L3MBTL4: variants seen among roughly 807,000 people sequenced by gnomAD.
L3MBTL4 encodes lethal(3)malignant brain tumor-like protein 4.
Under a neutral mutation model 84.5 loss-of-function variants are expected in L3MBTL4, and 70 were observed. The ratio of observed to expected loss-of-function variants is 0.83; its 90% CI spans 0.68 to 1.01. The LOEUF (loss-of-function observed/expected upper bound fraction) is 1.01, where lower values mean the gene tolerates loss of function less well. Ranked by LOEUF, L3MBTL4 falls within the 50% of genes least tolerant of loss-of-function variation. The pLI, the probability that L3MBTL4 is intolerant of heterozygous loss-of-function variation, is 0.00. For missense variants in L3MBTL4, 715 were observed against 754.8 expected, an observed-to-expected ratio of 0.95 and a Z score of 0.62; for synonymous variants, 274 against 259.8, an observed-to-expected ratio of 1.05 and a Z score of -0.52.
intron 1 of L3MBTL4, among the ~76,000 whole-genome samples, chr18:6,392,029 A>G (rs1005231753): frequency 2.0e-5 from 3 of 152,170 alleles, no homozygotes. Flanking sequence ...ACCAAAAAGG[A>G]GCCCAAATAG....
chr18:6,118,690 AGT>A (rs1266650361), intron 14 of L3MBTL4, among the ~76,000 whole-genome samples: 3 of 152,242 alleles, frequency 2.0e-5, no homozygotes, highest in Non-Finnish European at 4.4e-5. Context: ...AAGTTTCTAC[AGT>A]GTTTTTCTCT....
intron 16 of L3MBTL4, chr18:6,031,339 T>C (rs1330863125): frequency 2.0e-6 from 2 of 985,366 alleles, no homozygotes; most frequent in East Asian, 2.3e-4. Flanking sequence ...GCAGAGAAGA[T>C]AAATGCCTTC....
At chr18:6,083,758 C>T (rs943493794) in intron 15 of L3MBTL4, among the ~76,000 whole-genome samples, 2 of 152,116 alleles carry the variant, frequency 1.3e-5, no homozygotes, top group African/African-American at 2.4e-5. Context: ...CTGTTGCTGT[C>T]GCAAGTGTCA....
intron 14 of L3MBTL4, among the ~76,000 whole-genome samples, chr18:6,108,155 A>G (rs551472489): frequency 6.6e-6 from 1 of 152,266 alleles, no homozygotes; most frequent in Non-Finnish European, 1.5e-5. Flanking sequence ...CCTGGTCTCC[A>G]ACTGCAGTCC....
intron 1 of L3MBTL4, among the ~76,000 whole-genome samples, chr18:6,332,015 C>A (rs1357029986): frequency 6.6e-6 from 1 of 151,948 alleles, no homozygotes; most frequent in Non-Finnish European, 1.5e-5. Context: ...AGCTCACAAT[C>A]CAGCAGAAAA....
At chr18:6,236,202 A>G (rs1030731286) in intron 10 of L3MBTL4, among the ~76,000 whole-genome samples, 2 of 152,246 alleles carry the variant, frequency 1.3e-5, no homozygotes, top group African/African-American at 4.8e-5. Context: ...CTACAAAGCT[A>G]CAGTAATCAA....
intron 16 of L3MBTL4, among the ~76,000 whole-genome samples, chr18:6,014,833 C>A (rs980763674): frequency 6.6e-6 from 1 of 152,084 alleles, no homozygotes; most frequent in Non-Finnish European, 1.5e-5. Context: ...AAAAATGTCA[C>A]TTTGGTGGGC....
At chr18:6,357,681 A>G (rs1599763126) in intron 1 of L3MBTL4, among the ~76,000 whole-genome samples, 1 of 152,328 alleles carries the variant, frequency 6.6e-6, no homozygotes, top group African/African-American at 2.4e-5. Flanking sequence ...GACTTTTGAA[A>G]AAAAACAATA....
At chr18:6,367,929 T>C (rs1024932637) in intron 1 of L3MBTL4, among the ~76,000 whole-genome samples, 2 of 152,170 alleles carry the variant, frequency 1.3e-5, no homozygotes, top group Non-Finnish European at 2.9e-5. Context: ...GAAAGTTCTA[T>C]AAGTTACAGT....
At chr18:5,960,373 G>C (rs113320124) in intron 17 of L3MBTL4, among the ~76,000 whole-genome samples, 1 of 152,202 alleles carries the variant, frequency 6.6e-6, no homozygotes, top group Non-Finnish European at 1.5e-5. Flanking sequence ...CCTGCAGAGG[G>C]TTATGGTTAT....
At chr18:6,213,340 CT>C in intron 11 of L3MBTL4, 81 bp from the exon 12 acceptor site, 1 of 722,898 alleles carries the variant, frequency 1.4e-6, no homozygotes, top group Non-Finnish European at 2.3e-6. Context: ...TAAAATACTA[CT>C]GTTTTAGTTT....
At chr18:6,032,385 TACACACACACACACACAC>T (rs111595039) in intron 16 of L3MBTL4, 1 of 339,086 alleles carries the variant, frequency 2.9e-6, no homozygotes, top group Non-Finnish European at 4.1e-6. Context: ...TGAAATATGT[TACACACACACACACACAC>T]ACACACACAC....
chr18:6,186,045 T>G (rs913440144), intron 12 of L3MBTL4, among the ~76,000 whole-genome samples: 3 of 151,506 alleles, frequency 2.0e-5, no homozygotes, highest in Admixed American at 6.6e-5. Context: ...GGAGTTCAGC[T>G]CTTGTTAACC....
At chr18:6,216,890 C>A (rs1188045238) in intron 10 of L3MBTL4, among the ~76,000 whole-genome samples, 19 of 151,902 alleles carry the variant, frequency 1.3e-4, no homozygotes, top group Non-Finnish European at 2.6e-4. Context: ...TATAGAATTC[C>A]TGCTTTTGAG....
chr18:6,079,787 T>C (rs1347569872), intron 16 of L3MBTL4, among the ~76,000 whole-genome samples: 1 of 152,176 alleles, frequency 6.6e-6, no homozygotes, highest in East Asian at 1.9e-4. Context: ...GATGAGAACA[T>C]TTGTATGGAA....
intron 3 of L3MBTL4, among the ~76,000 whole-genome samples, chr18:6,307,756 C>T (rs2050656959): frequency 6.6e-6 from 1 of 152,090 alleles, no homozygotes; most frequent in South Asian, 2.1e-4. Context: ...GTTCATAACT[C>T]ACTATTTAGA....
chr18:6,202,136 T>G lies in L3MBTL4; in HGVS notation c.981+11013A>C, dbSNP rs563172770. 2.3e-4 allele frequency among the ~76,000 whole-genome samples: 35 copies of G among 152,324 alleles called. No individual in the cohort carries two copies. The South Asian group carries it at 7.0e-3, about 31-fold the overall frequency. On this transcript the variant is annotated intron_variant, in intron 12 of 18. Transcript: ENST00000317931. Reference sequence around the variant, plus strand: ...CAATCCAGCTGTTTCTGTACCTCCCTTCCCTTTTCTGCACATCACTTTCCA... The same window carrying G: ...CAATCCAGCTGTTTCTGTACCTCCCGTCCCTTTTCTGCACATCACTTTCCA...
chr18:5,986,124 T>C (rs940362334), intron 16 of L3MBTL4, among the ~76,000 whole-genome samples: 2 of 152,212 alleles, frequency 1.3e-5, no homozygotes, highest in African/African-American at 4.8e-5. Context: ...AAGAAGGTGC[T>C]GAGAGGCCGA....
In L3MBTL4 at chr18:5,960,120, C is replaced by T. The variant is rs1181532870; in HGVS notation, c.1651G>A (p.Glu551Lys). The T allele has an allele frequency of 6.4e-6, 10 of 1,572,898 alleles. No individual in the cohort carries two copies. The highest frequency in any genetic ancestry group is 2.3e-5 in the East Asian group (1 of 43,954). ...EFVQSLLGCEEHAKCFKKEQI... is the reference protein window; with the variant it reads ...EFVQSLLGCEKHAKCFKKEQI... The stretch of plus-strand genomic sequence containing the variant: ...TCTTTCTTAAAGCACTTGGCATGCT[C>T]TTCACAGCCCAGAAGAGACTGTACA... The change falls in exon 18 of 19, where the codon GAG becomes AAG. Residue 551 changes from glutamate to lysine, a missense_variant. Coordinates refer to ENST00000317931, the MANE Select transcript of L3MBTL4 (RefSeq NM_001330559.2).
Sources: allele counts gnomAD v4.1 joint callset (sites outside exome capture counted in the v4.1 genomes callset), GRCh38; gene constraint gnomAD v4.1.1; transcripts MANE v1.5; gene names NCBI Gene and HGNC (gene_info 2026-07-23, HGNC 2026-07-21).